THTPA: variants seen among roughly 807,000 people sequenced by gnomAD.
THTPA encodes thiamine-triphosphatase.
In THTPA, 16 loss-of-function variants were observed where a neutral mutation model predicts 16.5. The observed-to-expected ratio is 0.97, with a 90% CI of 0.66 to 1.47. The LOEUF (loss-of-function observed/expected upper bound fraction) is 1.47, where lower values mean the gene tolerates loss of function less well. THTPA is among the 40% of genes most tolerant of loss of function. The pLI, the probability that THTPA is intolerant of heterozygous loss-of-function variation, is 0.00. For missense variants in THTPA, 281 were observed against 280.9 expected (o/e 1.00, Z 0.00); for synonymous variants, 110 against 115.5 (o/e 0.95, Z 0.30).
chr14:23,556,964 A>G lies in THTPA; in HGVS notation c.207A>G (p.Ala69=). The change falls in exon 1 of 2, where the codon GCA becomes GCG. Residue 69 remains alanine (A), a synonymous_variant. Transcript: ENST00000288014. ...GATGGGAGCTCAAATGTCCTGGAGC[A>G]GCAGGTGTCTTAGGACCCCACACGG... ...DSGWELKCPG[A]AGVLGPHTEY... 3 of 1,614,230 alleles carry G rather than the reference A, an allele frequency of 1.9e-6. No homozygotes were observed. The South Asian group carries it at 3.3e-5, about 18-fold the overall frequency.
At chr14:23,554,795 T>C (rs1338165969), upstream of THTPA, among the ~76,000 whole-genome samples, 1 of 152,098 alleles carries the variant, frequency 6.6e-6, no homozygotes, top group East Asian at 1.9e-4. Flanking sequence ...AACATGGCAC[T>C]TCTCACCCAT....
the THTPA span, among the ~76,000 whole-genome samples, chr14:23,550,314 T>C: frequency 6.6e-6 from 1 of 152,254 alleles, no homozygotes; most frequent in African/African-American, 2.4e-5. Context: ...AGGCCCTGAC[T>C]GTGACCACCA....
chr14:23,554,799 C>G (rs1882226030), upstream of THTPA, among the ~76,000 whole-genome samples: 1 of 152,130 alleles, frequency 6.6e-6, no homozygotes, highest in African/African-American at 2.4e-5. Context: ...TGGCACTTCT[C>G]ACCCATCATA....
At chr14:23,517,639 A>G in the THTPA span, among the ~76,000 whole-genome samples, 1 of 152,122 alleles carries the variant, frequency 6.6e-6, no homozygotes, top group Non-Finnish European at 1.5e-5. Flanking sequence ...TGCCTCCTAC[A>G]TATCTCTTCC....
At chr14:23,533,049 G>A in the THTPA span, 1 of 1,534,222 alleles carries the variant, frequency 6.5e-7, no homozygotes, top group South Asian at 1.2e-5. The surrounding 1 kb of genome is among the most constrained non-coding windows in gnomAD (Gnocchi z 4.8). Flanking sequence ...AGCTGACTTG[G>A]AGGCAGGTGG....
the THTPA span, among the ~76,000 whole-genome samples, chr14:23,541,030 C>G: frequency 6.6e-6 from 1 of 152,078 alleles, no homozygotes; most frequent in Non-Finnish European, 1.5e-5. Context: ...CCATAGCCTC[C>G]CGAGTAGCTG....
chr14:23,524,648 G>C, the THTPA span: 2 of 1,536,394 alleles, frequency 1.3e-6, no homozygotes, highest in Middle Eastern at 1.7e-4. The surrounding 1 kb of genome is among the most constrained non-coding windows in gnomAD (Gnocchi z 5.6). Context: ...GGCTGGGGAA[G>C]GTGATGGAGT....
the THTPA span, chr14:23,525,474 A>C: frequency 6.5e-7 from 1 of 1,535,978 alleles, no homozygotes; most frequent in Non-Finnish European, 8.7e-7. This position sits in a 1 kb window ranked among gnomAD's most constrained non-coding sequence, Gnocchi z 5.9. Flanking sequence ...AGCATATTGG[A>C]GAAGAGTTTC....
At chr14:23,539,188 T>G in the THTPA span, among the ~76,000 whole-genome samples, 2 of 152,066 alleles carry the variant, frequency 1.3e-5, no homozygotes, top group East Asian at 3.9e-4. Context: ...GAGAAAGGTG[T>G]GGAGAAATAG....
At chr14:23,526,670 T>G in the THTPA span, 1 of 1,535,624 alleles carries the variant, frequency 6.5e-7, no homozygotes, top group Admixed American at 2.0e-5. Flanking sequence ...TGGGGTCAGG[T>G]TAGGGCCTTC....
chr14:23,523,973 G>A, the THTPA span: 1 of 1,531,412 alleles, frequency 6.5e-7, no homozygotes, highest in East Asian at 2.4e-5. This position sits in a 1 kb window ranked among gnomAD's most constrained non-coding sequence, Gnocchi z 4.1. Flanking sequence ...CTCTGGTGTT[G>A]GGGTGGTGGC....
rs141465409 is a variant in THTPA, at chr14:23,556,965, G to T, written c.208G>T (p.Ala70Ser). 93 of 1,614,236 alleles carry T rather than the reference G, an allele frequency of 5.8e-5. No individual in the cohort carries two copies. In the African/African-American group the frequency reaches 1.2e-3, roughly 20 times the overall value. ...SGWELKCPGA[A>S]GVLGPHTEYK... ...ATGGGAGCTCAAATGTCCTGGAGCA[G>T]CAGGTGTCTTAGGACCCCACACGGA... The change falls in exon 1 of 2, where the codon GCA (alanine) becomes TCA (serine). Residue 70 changes from alanine (A) to serine (S), a missense_variant. By Grantham distance (99) the Ala-to-Ser change is moderately conservative. Transcript: ENST00000288014.
chr14:23,512,665 C>T, the THTPA span: 1 of 150,874 alleles, frequency 6.6e-6, no homozygotes, highest in Non-Finnish European at 1.5e-5. Context: ...ATAGGATATT[C>T]CCAAAGAAAA....
the THTPA span, chr14:23,529,970 C>T: frequency 1.2e-5 from 12 of 971,654 alleles, no homozygotes; most frequent in Admixed American, 2.1e-5. Context: ...CCTAGCCTCT[C>T]GTGGCTCAGC....
At chr14:23,550,533 G>A in the THTPA span, among the ~76,000 whole-genome samples, 1 of 152,208 alleles carries the variant, frequency 6.6e-6, no homozygotes, top group Non-Finnish European at 1.5e-5. Context: ...AGATGGATGG[G>A]ATGGAAGAGA....
chr14:23,525,060 G>A, the THTPA span: 1 of 1,536,170 alleles, frequency 6.5e-7, no homozygotes, highest in Non-Finnish European at 8.7e-7. The surrounding 1 kb of genome is among the most constrained non-coding windows in gnomAD (Gnocchi z 5.9). Context: ...AGACTTGCGA[G>A]TCGCTCCACC....
chr14:23,520,703 G>C, the THTPA span, among the ~76,000 whole-genome samples: 22,861 of 151,362 alleles, frequency 0.15, 2,251 homozygotes, highest in Non-Finnish European at 0.22. This position sits in a 1 kb window ranked among gnomAD's most constrained non-coding sequence, Gnocchi z 8.7. Flanking sequence ...GGCTGCACCG[G>C]CATCGGCCCT....
the THTPA span, chr14:23,521,100 C>T: frequency 1.3e-5 from 2 of 152,078 alleles, no homozygotes; most frequent in South Asian, 2.1e-4. Flanking sequence ...AAGGGGCAGG[C>T]CCACGGCCGC....
chr14:23,544,469 CCTGG>C, the THTPA span, among the ~76,000 whole-genome samples: 5 of 152,174 alleles, frequency 3.3e-5, no homozygotes, highest in African/African-American at 1.2e-4. Context: ...CAGCTGGTAA[CCTGG>C]CTGTAGCCCT....
Sources: allele counts gnomAD v4.1 joint callset (sites outside exome capture counted in the v4.1 genomes callset), GRCh38; gene constraint gnomAD v4.1.1; non-coding constraint Gnocchi (gnomAD v3.1); transcripts MANE v1.5; gene names NCBI Gene and HGNC (gene_info 2026-07-23, HGNC 2026-07-21).